SLC4A4: variants seen among roughly 807,000 people sequenced by gnomAD.
The protein encoded by SLC4A4 is electrogenic sodium bicarbonate cotransporter 1.
SLC4A4 carries 27 observed loss-of-function variants against 111.5 expected under a neutral mutation model. That is an observed-to-expected ratio of 0.24 (90% CI 0.18 to 0.33). SLC4A4 has a LOEUF of 0.33. SLC4A4 is among the 10% of genes least tolerant of loss of function. The probability of loss-of-function intolerance (pLI) is 1.00; values close to 1 mark genes in which losing one functional copy is unlikely to be tolerated. For synonymous variants in SLC4A4, 443 were observed against 463.4 expected (o/e 0.96, Z 0.57); for missense variants, 909 against 1,315.5 (o/e 0.69, Z 4.78).
intron 14 of SLC4A4, among the ~76,000 whole-genome samples, chr4:71,483,212 T>C (rs367820574): frequency 1.3e-5 from 2 of 151,688 alleles, no homozygotes; most frequent in Admixed American, 1.3e-4. Context: ...CATGTGCAGG[T>C]TTGTTACATA....
chr4:71,510,264 T>C (rs977629860), intron 16 of SLC4A4, among the ~76,000 whole-genome samples: 2 of 152,208 alleles, frequency 1.3e-5, no homozygotes, highest in African/African-American at 4.8e-5. Flanking sequence ...AGGATGCCTT[T>C]TCCTTTGTCT....
At chr4:71,435,439 CT>C (rs1466409327) in intron 7 of SLC4A4, among the ~76,000 whole-genome samples, 1 of 152,098 alleles carries the variant, frequency 6.6e-6, no homozygotes, top group East Asian at 1.9e-4. Flanking sequence ...AATGTAAGAC[CT>C]AAAACCATAA....
At chr4:71,213,450 A>C (rs967078750) in intron 1 of SLC4A4, among the ~76,000 whole-genome samples, 6 of 152,072 alleles carry the variant, frequency 3.9e-5, no homozygotes, top group Non-Finnish European at 7.4e-5. Context: ...AAAGCAGGGG[A>C]CTCTTTTGTC....
intron 2 of SLC4A4, among the ~76,000 whole-genome samples, chr4:71,163,988 A>G (rs1360375609): frequency 6.6e-6 from 1 of 152,232 alleles, no homozygotes; most frequent in African/African-American, 2.4e-5. Context: ...GCTCACGCCT[A>G]TAATCCCAGC....
chr4:71,097,255 A>G (rs1742584442), intron 2 of SLC4A4, among the ~76,000 whole-genome samples: 1 of 152,126 alleles, frequency 6.6e-6, no homozygotes, highest in East Asian at 1.9e-4. Context: ...GCTCCCAGTT[A>G]CAAGTGAGGA....
chr4:71,261,680 C>G (rs1214892969), intron 3 of SLC4A4, among the ~76,000 whole-genome samples: 1 of 152,210 alleles, frequency 6.6e-6, no homozygotes, highest in Middle Eastern at 3.2e-3. Context: ...AAATGCAGCT[C>G]TCTTGAAGTC....
At chr4:71,102,458 A>G (rs1463194914) in intron 2 of SLC4A4, among the ~76,000 whole-genome samples, 1 of 151,896 alleles carries the variant, frequency 6.6e-6, no homozygotes, top group Non-Finnish European at 1.5e-5. Flanking sequence ...CAACTCCAAG[A>G]CACATAATTG....
At chr4:71,098,765 G>T (rs1004527502) in intron 2 of SLC4A4, among the ~76,000 whole-genome samples, 1 of 152,100 alleles carries the variant, frequency 6.6e-6, no homozygotes, top group Non-Finnish European at 1.5e-5. Context: ...AAGGGATGGA[G>T]GAAAATCTAC....
intron 1 of SLC4A4, among the ~76,000 whole-genome samples, chr4:71,068,551 T>G (rs1741589265): frequency 6.6e-6 from 1 of 151,640 alleles, no homozygotes; most frequent in Non-Finnish European, 1.5e-5. Flanking sequence ...CAGGGCAACC[T>G]TTTTTTCTTT....
At chr4:71,501,572 C>CT (rs1307007200) in intron 16 of SLC4A4, among the ~76,000 whole-genome samples, 106 of 138,302 alleles carry the variant, frequency 7.7e-4, no homozygotes, top group African/African-American at 1.9e-3. Context: ...TTTCAGTCTT[C>CT]TTTTTTTTTT....
At chr4:71,429,658 A>T (rs1290701027) in intron 7 of SLC4A4, among the ~76,000 whole-genome samples, 1 of 152,092 alleles carries the variant, frequency 6.6e-6, no homozygotes, top group Non-Finnish European at 1.5e-5. Context: ...AGCCATTTAA[A>T]ATTCACTCCT....
Position 71,237,695 on chromosome 4 carries a change from G to C in SLC4A4, c.73+1046G>C, listed in dbSNP as rs541438762. On this transcript the variant is annotated intron_variant, in intron 2 of 25. Transcript: ENST00000264485. ...GCAAGTGATGCTCCTGTGCCACTTG[G>C]AACAGTTTGAATAGTGTGGCTATCA... Among the ~76,000 whole-genome samples the C allele has an allele frequency of 5.3e-5, 8 of 152,246 alleles. No homozygotes were observed. The East Asian group carries it at 1.4e-3, about 26-fold the overall frequency.
chr4:71,487,019 G>A lies in SLC4A4; in HGVS notation c.1974+1G>A, dbSNP rs1350000644. 1 of 1,570,246 alleles carries A rather than the reference G, an allele frequency of 6.4e-7. No individual in the cohort carries two copies. The highest frequency in any genetic ancestry group is 8.8e-7 in the Non-Finnish European group (1 of 1,142,080). On this transcript the variant is annotated splice_donor_variant, in intron 15 of 25. Coordinates refer to ENST00000264485, the MANE Select transcript of SLC4A4 (RefSeq NM_001098484.3). LOFTEE classifies it high-confidence loss of function. Reference sequence around the variant, plus strand: ...GCCAACTATGTCTTCTACTGACATGGTAAGTGACTTACTATTTTAAATTAC... The same window carrying A: ...GCCAACTATGTCTTCTACTGACATGATAAGTGACTTACTATTTTAAATTAC...
intron 2 of SLC4A4, among the ~76,000 whole-genome samples, chr4:71,146,179 T>C (rs1392924750): frequency 6.6e-6 from 1 of 152,228 alleles, no homozygotes; most frequent in African/African-American, 2.4e-5. Context: ...AAGAACATCT[T>C]TATTTCTGCC....
At chr4:71,418,575 C>T (rs770252712) in intron 7 of SLC4A4, among the ~76,000 whole-genome samples, 69 of 152,112 alleles carry the variant, frequency 4.5e-4, no homozygotes, top group African/African-American at 1.0e-3. Context: ...ATTAGGCCAA[C>T]GGTATGTAAA....
At chr4:71,263,128 T>A (rs1001414452) in intron 3 of SLC4A4, among the ~76,000 whole-genome samples, 1 of 151,018 alleles carries the variant, frequency 6.6e-6, no homozygotes, top group Non-Finnish European at 1.5e-5. Context: ...CAAACAATCC[T>A]TCTATTGCTC....
At chr4:71,352,757 A>G (rs1320570151) in intron 5 of SLC4A4, among the ~76,000 whole-genome samples, 2 of 152,218 alleles carry the variant, frequency 1.3e-5, no homozygotes, top group Non-Finnish European at 2.9e-5. Flanking sequence ...TTATCCAGAT[A>G]TTTCTGCATG....
At chr4:71,488,445 T>C (rs1274405353) in intron 15 of SLC4A4, among the ~76,000 whole-genome samples, 1 of 151,632 alleles carries the variant, frequency 6.6e-6, no homozygotes, top group African/African-American at 2.4e-5. Flanking sequence ...GATAGAGACA[T>C]AGAGGCATAA....
At chr4:71,417,545 A>T (rs1162277423) in intron 7 of SLC4A4, among the ~76,000 whole-genome samples, 1 of 152,136 alleles carries the variant, frequency 6.6e-6, no homozygotes, top group Non-Finnish European at 1.5e-5. Context: ...TAAAAGAAAA[A>T]ATACCTAACT....
Sources: allele counts gnomAD v4.1 joint callset (sites outside exome capture counted in the v4.1 genomes callset), GRCh38; gene constraint gnomAD v4.1.1; transcripts MANE v1.5; gene names NCBI Gene and HGNC (gene_info 2026-07-23, HGNC 2026-07-21).